The following BCO1 variants were observed in gnomAD, a reference collection of about 807,000 sequenced individuals.
BCO1 encodes the protein beta-carotene oxygenase 1, also known as beta,beta-carotene 15,15'-dioxygenase.
Under a neutral mutation model 56.3 loss-of-function variants are expected in BCO1, and 54 were observed. The observed-to-expected ratio is 0.96, with a 90% confidence interval of 0.77 to 1.20. The LOEUF is 1.20. Ranked by LOEUF, BCO1 falls within the 50% of genes most tolerant of loss-of-function variation. The pLI is 0.00. For synonymous variants in BCO1, 318 were observed against 266.1 expected, an observed-to-expected ratio of 1.20 and a Z score of -1.90; for missense variants, 801 against 690.9, an observed-to-expected ratio of 1.16 and a Z score of -1.79.
chr16:81,286,269 T>A (rs1202971205), intron 9 of BCO1, among the ~76,000 whole-genome samples: 3 of 152,164 alleles, frequency 2.0e-5, no homozygotes, highest in Non-Finnish European at 1.5e-5. Flanking sequence ...TGTCACTTCT[T>A]TTTAATGTCT....
intron 3 of BCO1, among the ~76,000 whole-genome samples, chr16:81,261,541 C>T (rs1173127689): frequency 6.6e-6 from 1 of 152,150 alleles, no homozygotes; most frequent in African/African-American, 2.4e-5. Context: ...TACTTTGGAA[C>T]AGTATGTCTT....
intron 3 of BCO1, chr16:81,261,885 G>A: frequency 5.0e-6 from 2 of 402,532 alleles, no homozygotes; most frequent in South Asian, 2.1e-5. Context: ...GGGACTACAG[G>A]CGCCTGCCAC....
At chr16:81,241,296 G>A (rs1006376592) in intron 1 of BCO1, among the ~76,000 whole-genome samples, 12 of 152,090 alleles carry the variant, frequency 7.9e-5, no homozygotes, top group Non-Finnish European at 1.2e-4. Flanking sequence ...CTGGGCAACA[G>A]AGTGAGACTC....
chr16:81,250,753 G>A (rs932629711), intron 2 of BCO1, among the ~76,000 whole-genome samples: 27 of 151,900 alleles, frequency 1.8e-4, no homozygotes, highest in Non-Finnish European at 2.8e-4. Flanking sequence ...GCTAATTTTT[G>A]TATTTTTAGT....
At chr16:81,247,557 G>A (rs112301696) in intron 2 of BCO1, among the ~76,000 whole-genome samples, 3 of 150,848 alleles carry the variant, frequency 2.0e-5, no homozygotes, top group Non-Finnish European at 3.0e-5. Flanking sequence ...ACAGAGTTTC[G>A]CTCTTGTTGC....
chr16:81,253,248 C>G (rs182772336), intron 2 of BCO1, among the ~76,000 whole-genome samples: 2 of 152,168 alleles, frequency 1.3e-5, no homozygotes, highest in East Asian at 3.8e-4. Context: ...GAGATGAAAC[C>G]TAGAGCCGAA....
At chr16:81,279,894 C>A (rs1907765459) in intron 7 of BCO1, among the ~76,000 whole-genome samples, 1 of 152,078 alleles carries the variant, frequency 6.6e-6, no homozygotes, top group South Asian at 2.1e-4. Flanking sequence ...GAAGAAAATA[C>A]TGAAAATACA....
At chr16:81,247,524 T>C (rs912667339) in intron 2 of BCO1, among the ~76,000 whole-genome samples, 8 of 152,022 alleles carry the variant, frequency 5.3e-5, no homozygotes, top group Admixed American at 3.3e-4. Context: ...TTTTTTATTT[T>C]TATTTTTATT....
chr16:81,258,819 G>T (rs551553392), intron 2 of BCO1, among the ~76,000 whole-genome samples: 1 of 152,180 alleles, frequency 6.6e-6, no homozygotes, highest in Non-Finnish European at 1.5e-5. Context: ...TTTGGCTCAC[G>T]GTTCTGCAGG....
intron 2 of BCO1, among the ~76,000 whole-genome samples, chr16:81,253,476 G>C (rs1407808176): frequency 6.6e-6 from 1 of 152,166 alleles, no homozygotes; most frequent in Non-Finnish European, 1.5e-5. Context: ...TCCATGTGGA[G>C]ATTGAGCCTC....
Position 81,254,980 on chromosome 16 carries a change from C to T in BCO1, c.194-4696C>T, listed in dbSNP as rs1312909058. Among the ~76,000 whole-genome samples the T allele has an allele frequency of 2.6e-5, 4 of 152,112 alleles. No individual in the cohort carries two copies. The East Asian group carries it at 5.8e-4, about 22-fold the overall frequency. ...TGTATTATTTGTAGAGATGGGGTCT[C>T]GCCATGCTGCCCAAGTAGTCTTGAA... On this transcript the variant is annotated intron_variant, in intron 2 of 10. Transcript: ENST00000258168.
chr16:81,270,601 A>T (rs190986971), intron 7 of BCO1, among the ~76,000 whole-genome samples, 185 bp downstream of exon 7: 2 of 151,850 alleles, frequency 1.3e-5, no homozygotes, highest in African/African-American at 4.8e-5. Flanking sequence ...AATATAGATA[A>T]GTAAAAAGGA....
intron 2 of BCO1, among the ~76,000 whole-genome samples, chr16:81,251,420 C>T (rs1319811799): frequency 1.3e-5 from 2 of 151,896 alleles, no homozygotes; most frequent in Non-Finnish European, 2.9e-5. Context: ...GTTATCCAGG[C>T]GTGGTGGTAT....
chr16:81,259,617 T>C, intron 2 of BCO1, 59 bp from the exon 3 acceptor site: 1 of 1,612,360 alleles, frequency 6.2e-7, no homozygotes, highest in Admixed American at 1.7e-5. Flanking sequence ...AGGACTGACA[T>C]TGATTTTAAA....
chr16:81,265,119 A>T (rs190460814), intron 5 of BCO1, among the ~76,000 whole-genome samples: 1 of 151,750 alleles, frequency 6.6e-6, no homozygotes, highest in Non-Finnish European at 1.5e-5. Flanking sequence ...CCATTCATGC[A>T]TCTACTCACC....
intron 7 of BCO1, among the ~76,000 whole-genome samples, chr16:81,277,658 AG>A (rs1419118213): frequency 1.3e-5 from 2 of 152,204 alleles, no homozygotes; most frequent in African/African-American, 2.4e-5. Flanking sequence ...TTCATATGGC[AG>A]GCAGCATTCT....
intron 2 of BCO1, among the ~76,000 whole-genome samples, chr16:81,256,136 G>A (rs973250615): frequency 4.0e-5 from 6 of 150,738 alleles, no homozygotes; most frequent in African/African-American, 1.5e-4. Context: ...TTTTTCCAGC[G>A]AATGCATTTC....
chr16:81,280,034 G>A (rs147979377), intron 7 of BCO1, among the ~76,000 whole-genome samples: 5 of 151,776 alleles, frequency 3.3e-5, no homozygotes, highest in Non-Finnish European at 5.9e-5. Context: ...AGGCCGAGGC[G>A]GGTGGATCAC....
chr16:81,255,894 C>A (rs922760192), intron 2 of BCO1, among the ~76,000 whole-genome samples: 1 of 151,950 alleles, frequency 6.6e-6, no homozygotes, highest in Non-Finnish European at 1.5e-5. Flanking sequence ...GGCACGATTT[C>A]GGCTCACTGC....
Sources: allele counts gnomAD v4.1 joint callset (sites outside exome capture counted in the v4.1 genomes callset), GRCh38; gene constraint gnomAD v4.1.1; transcripts MANE v1.5; gene names NCBI Gene and HGNC (gene_info 2026-07-23, HGNC 2026-07-21).